Variants in TECPR2 observed in about 807,000 individuals in gnomAD.
TECPR2 encodes tectonin beta-propeller repeat containing 2, also known as tectonin beta-propeller repeat-containing protein 2.
TECPR2 carries 65 observed loss-of-function variants against 138.1 expected under a neutral mutation model. That is an observed-to-expected ratio of 0.47 (90% CI 0.39 to 0.58). The LOEUF (loss-of-function observed/expected upper bound fraction) is 0.58. Ranked by LOEUF, TECPR2 falls within the 20% of genes least tolerant of loss-of-function variation. The pLI, the probability that TECPR2 is intolerant of heterozygous loss-of-function variation, is 0.00. For synonymous variants in TECPR2, 746 were observed against 749.8 expected, an observed-to-expected ratio of 0.99 and a Z score of 0.08; for missense variants, 1,553 against 1,824.5, an observed-to-expected ratio of 0.85 and a Z score of 2.71.
intron 1 of TECPR2, among the ~76,000 whole-genome samples, chr14:102,374,179 A>T (rs780163960): frequency 6.6e-6 from 1 of 151,918 alleles, no homozygotes; most frequent in Non-Finnish European, 1.5e-5. Context: ...TTGGGGTCAT[A>T]TTGAAGAAAA....
chr14:102,448,601 C>A (rs143237353), intron 13 of TECPR2, among the ~76,000 whole-genome samples: 1 of 152,180 alleles, frequency 6.6e-6, no homozygotes. Context: ...CATGGTGGCT[C>A]ACACCTGTAA....
At chr14:102,471,568 A>G (rs2139777317) in intron 17 of TECPR2, among the ~76,000 whole-genome samples, 1 of 151,892 alleles carries the variant, frequency 6.6e-6, no homozygotes, top group Middle Eastern at 3.4e-3. Context: ...CCTGGACCTG[A>G]TAGTGCACCT....
intron 2 of TECPR2, among the ~76,000 whole-genome samples, chr14:102,396,238 G>A (rs549360291): frequency 3.4e-4 from 51 of 152,042 alleles, no homozygotes; most frequent in Non-Finnish European, 5.6e-4. Flanking sequence ...GAACAGCTGG[G>A]ATTACAGGCA....
chr14:102,443,861 G>GCTTGTCCTACCCTTCGTT lies in TECPR2; in HGVS notation c.2933+42_2933+59dup. 1 of 1,504,534 alleles carries GCTTGTCCTACCCTTCGTT rather than the reference G, an allele frequency of 6.6e-7. No homozygotes were observed. Among genetic ancestry groups the GCTTGTCCTACCCTTCGTT allele is most frequent in the African/African-American group, 1.4e-5 (1 of 72,844 alleles). The allele number at this position is 1,504,534 out of a possible 1,614,324, so 93.2% of individuals were successfully genotyped here. A position where few individuals can be genotyped will look rare whatever the true frequency, so the allele number is the denominator to read the frequency against. ...GGGCCAGAGACTCCTTTCACATCGT[G>GCTTGTCCTACCCTTCGTT]CTTGTCCTACCCTTCGTTCTTGTCC... On this transcript the variant is annotated intron_variant, in intron 12 of 19. Transcript: ENST00000359520. The surrounding 1 kb of genome is among the most constrained non-coding windows in gnomAD (Gnocchi z 4.9).
At chr14:102,454,751 C>G (rs1041047541) in intron 16 of TECPR2, among the ~76,000 whole-genome samples, 1 of 152,234 alleles carries the variant, frequency 6.6e-6, no homozygotes, top group African/African-American at 2.4e-5. Flanking sequence ...TGTATTCTCC[C>G]TGCTCCTGAA....
At chr14:102,491,097 T>C (rs912652175) in intron 17 of TECPR2, among the ~76,000 whole-genome samples, 12 of 152,166 alleles carry the variant, frequency 7.9e-5, no homozygotes, top group Admixed American at 7.2e-4. Context: ...TTTCATCATA[T>C]TGGTCAGGCT....
At chr14:102,404,441 C>G (rs1479195294) in intron 2 of TECPR2, among the ~76,000 whole-genome samples, 2 of 152,154 alleles carry the variant, frequency 1.3e-5, no homozygotes, top group East Asian at 3.9e-4. Context: ...AAAATGCAGT[C>G]ATTGAAACAG....
chr14:102,494,723 C>T (rs1186087550), intron 17 of TECPR2, among the ~76,000 whole-genome samples: 1 of 151,308 alleles, frequency 6.6e-6, no homozygotes, highest in African/African-American at 2.4e-5. Context: ...ACTCGGGAGG[C>T]TGAGGCAGGA....
At chr14:102,399,563 G>A (rs966001838) in intron 2 of TECPR2, among the ~76,000 whole-genome samples, 2 of 152,154 alleles carry the variant, frequency 1.3e-5, no homozygotes, top group East Asian at 3.9e-4. Flanking sequence ...GGGCACGGTG[G>A]CTCATGCCTG....
intron 17 of TECPR2, among the ~76,000 whole-genome samples, chr14:102,470,573 G>A (rs924145939): frequency 2.0e-5 from 3 of 151,240 alleles, no homozygotes; most frequent in Non-Finnish European, 4.4e-5. Context: ...CTCCCAAAGT[G>A]CTAGGATTAC....
intron 2 of TECPR2, among the ~76,000 whole-genome samples, chr14:102,383,390 T>C (rs149303306): frequency 1.3e-5 from 2 of 152,154 alleles, no homozygotes; most frequent in East Asian, 3.9e-4. Context: ...TGATCACCAT[T>C]GTATTGTCTT....
At chr14:102,470,993 A>G (rs548505040) in intron 17 of TECPR2, among the ~76,000 whole-genome samples, 5 of 151,988 alleles carry the variant, frequency 3.3e-5, no homozygotes, top group Admixed American at 1.3e-4. Context: ...TAATTTTTGT[A>G]TTTTTAGTAG....
At chr14:102,469,974 T>C (rs1890623534) in intron 17 of TECPR2, among the ~76,000 whole-genome samples, 2 of 152,178 alleles carry the variant, frequency 1.3e-5, no homozygotes, top group South Asian at 4.1e-4. Flanking sequence ...TTTGTATGTA[T>C]ATGTTGCTGG....
rs1890172396 is a variant in TECPR2 at position 102,452,528 on chromosome 14, C to T, written c.3541C>T (p.Leu1181=). The T allele has an allele frequency of 6.2e-7, 1 of 1,612,184 alleles. No homozygotes were observed. Among genetic ancestry groups the T allele is most frequent in the Non-Finnish European group, 8.5e-7 (1 of 1,179,576 alleles). ...MRAYAACQDA[L]WALDSLGQVF... ...CGCCTATGCCGCCTGCCAGGATGCG[C>T]TGTGGGCGCTGGACAGCCTCGGCCA... The change falls in exon 16 of 20, where the codon CTG becomes TTG. Residue 1181 remains leucine (L), a synonymous_variant. Coordinates refer to ENST00000359520, the MANE Select transcript of TECPR2 (RefSeq NM_014844.5).
intron 10 of TECPR2, 29 bp from the exon 11 acceptor site, chr14:102,440,407 G>C: frequency 6.2e-7 from 1 of 1,610,842 alleles, no homozygotes. Context: ...GTATTTATTG[G>C]ACAGTGAATA....
chr14:102,437,653 T>G (rs1472998838), intron 9 of TECPR2, among the ~76,000 whole-genome samples: 1 of 152,196 alleles, frequency 6.6e-6, no homozygotes, highest in Non-Finnish European at 1.5e-5. Flanking sequence ...AAAAATTGAC[T>G]TGCATCCAAA....
chr14:102,455,864 C>G (rs986435727), intron 16 of TECPR2, among the ~76,000 whole-genome samples: 1 of 152,200 alleles, frequency 6.6e-6, no homozygotes, highest in African/African-American at 2.4e-5. Context: ...CCGCCTGCCT[C>G]CGCCTCCCAA....
At chr14:102,384,549 T>C (rs982821083) in intron 2 of TECPR2, among the ~76,000 whole-genome samples, 5 of 151,600 alleles carry the variant, frequency 3.3e-5, no homozygotes, top group African/African-American at 1.2e-4. Flanking sequence ...TGGTGGCCCA[T>C]GCCTGTAATC....
chr14:102,491,641 TC>T, intron 17 of TECPR2, among the ~76,000 whole-genome samples: 1 of 152,306 alleles, frequency 6.6e-6, no homozygotes, highest in Middle Eastern at 3.4e-3. Flanking sequence ...GGCTGCAGCC[TC>T]CCAGCCTCCT....
Sources: allele counts gnomAD v4.1 joint callset (sites outside exome capture counted in the v4.1 genomes callset), GRCh38; gene constraint gnomAD v4.1.1; non-coding constraint Gnocchi (gnomAD v3.1); transcripts MANE v1.5; gene names NCBI Gene and HGNC (gene_info 2026-07-23, HGNC 2026-07-21).